The following CHCHD6 variants were observed in gnomAD, a reference collection of about 807,000 sequenced individuals.
CHCHD6 encodes the protein coiled-coil-helix-coiled-coil-helix domain containing 6.
A neutral mutation model predicts 32.3 loss-of-function variants in CHCHD6; 28 were observed. The ratio of observed to expected loss-of-function variants is 0.87; its 90% confidence interval spans 0.64 to 1.19. The LOEUF is 1.19. CHCHD6 is among the 50% of genes most tolerant of loss of function. The probability of loss-of-function intolerance (pLI) is 0.00; values close to 1 mark genes in which losing one functional copy is unlikely to be tolerated. For synonymous variants in CHCHD6, 122 were observed against 117.5 expected (o/e 1.04, Z -0.25); for missense variants, 333 against 307.0 (o/e 1.08, Z -0.63).
intron 6 of CHCHD6, among the ~76,000 whole-genome samples, chr3:126,956,413 C>T (rs2078783789): frequency 6.6e-6 from 1 of 152,226 alleles, no homozygotes; most frequent in Admixed American, 6.5e-5. Flanking sequence ...CCCGCTCCTC[C>T]ACTGTCCAGC....
chr3:126,887,925 AG>A (rs1410349095), intron 5 of CHCHD6, among the ~76,000 whole-genome samples: 1 of 152,230 alleles, frequency 6.6e-6, no homozygotes, highest in Non-Finnish European at 1.5e-5. Context: ...CACTGAGATA[AG>A]AACTCCACTT....
At chr3:126,749,143 G>T (rs1936623543) in intron 4 of CHCHD6, among the ~76,000 whole-genome samples, 2 of 152,152 alleles carry the variant, frequency 1.3e-5, no homozygotes, top group Non-Finnish European at 2.9e-5. Flanking sequence ...CAGCAAGAAG[G>T]GTGTGAACAG....
At chr3:126,788,919 G>A (rs1407648693) in intron 4 of CHCHD6, among the ~76,000 whole-genome samples, 1 of 152,122 alleles carries the variant, frequency 6.6e-6, no homozygotes, top group Non-Finnish European at 1.5e-5. Flanking sequence ...ATGTCAGGAT[G>A]TCAATTTTAG....
Position 126,708,462 on chromosome 3 carries a change from T to G in CHCHD6, c.87+4063T>G, listed in dbSNP as rs188267333. ...TATTCTGGAGGCCACGCTGCAGTTC[T>G]CTGGTCAGGAGCAGAGCTTTGGAAA... On this transcript the variant is annotated intron_variant, in intron 1 of 7. Transcript: ENST00000290913. Among the ~76,000 whole-genome samples, 305 of 152,274 alleles carry G rather than the reference T, an allele frequency of 2.0e-3. 7 individuals are homozygous for G. Among genetic ancestry groups the G allele is most frequent in the Admixed American group, 0.019 (291 of 15,294 alleles).
At chr3:126,874,477 T>C (rs553490021) in intron 5 of CHCHD6, among the ~76,000 whole-genome samples, 1 of 152,220 alleles carries the variant, frequency 6.6e-6, no homozygotes, top group African/African-American at 2.4e-5. Flanking sequence ...ATGGCACTCA[T>C]CAGGGCAGCT....
chr3:126,832,871 A>G (rs934457143), intron 4 of CHCHD6, among the ~76,000 whole-genome samples: 2 of 152,104 alleles, frequency 1.3e-5, no homozygotes, highest in African/African-American at 4.8e-5. Flanking sequence ...CAAGAGGGGA[A>G]TTTCTCCCCC....
intron 5 of CHCHD6, among the ~76,000 whole-genome samples, chr3:126,900,156 G>A (rs1012518185): frequency 3.9e-5 from 6 of 152,214 alleles, no homozygotes; most frequent in Admixed American, 1.3e-4. Context: ...TGGAAAAGAC[G>A]TTGGGAGTTT....
At chr3:126,798,164 G>GT (rs1334939748) in intron 4 of CHCHD6, among the ~76,000 whole-genome samples, 16 of 152,274 alleles carry the variant, frequency 1.1e-4, no homozygotes, top group Non-Finnish European at 2.2e-4. Flanking sequence ...GCGCAGCAGG[G>GT]TGACAAGGCA....
At chr3:126,730,722 G>C in intron 3 of CHCHD6, 92 bp downstream of exon 3, 1 of 1,054,918 alleles carries the variant, frequency 9.5e-7, no homozygotes, top group Non-Finnish European at 1.4e-6. Context: ...TGAAGCCCTG[G>C]AGGCTTTGTC....
At chr3:126,789,394 G>A (rs1294083427) in intron 4 of CHCHD6, among the ~76,000 whole-genome samples, 8 of 152,102 alleles carry the variant, frequency 5.3e-5, no homozygotes, top group Non-Finnish European at 1.0e-4. Flanking sequence ...TTTCTGTCTC[G>A]TTGATCTGTC....
At chr3:126,731,518 A>G (rs1311134160) in intron 3 of CHCHD6, among the ~76,000 whole-genome samples, 1 of 152,166 alleles carries the variant, frequency 6.6e-6, no homozygotes, top group African/African-American at 2.4e-5. Context: ...ATGTTTATAT[A>G]TATCATGCAC....
chr3:126,857,296 T>C (rs1186216131), intron 5 of CHCHD6, among the ~76,000 whole-genome samples: 1 of 152,162 alleles, frequency 6.6e-6, no homozygotes, highest in East Asian at 1.9e-4. Flanking sequence ...ACTCAGCAGC[T>C]ATGAAGTGGA....
intron 4 of CHCHD6, among the ~76,000 whole-genome samples, chr3:126,834,053 CA>C (rs55790919): frequency 0.043 from 1,902 of 44,310 alleles, 3 homozygotes; most frequent in Middle Eastern, 0.064. Context: ...GACTCCGTCT[CA>C]AAAAAAAAAA....
intron 6 of CHCHD6, among the ~76,000 whole-genome samples, chr3:126,935,550 G>A (rs898947302): frequency 4.6e-5 from 7 of 152,192 alleles, no homozygotes; most frequent in African/African-American, 1.7e-4. Flanking sequence ...AAGGCGTTCT[G>A]CACTCAGGTT....
At chr3:126,933,011 TC>T (rs1273102742) in intron 6 of CHCHD6, among the ~76,000 whole-genome samples, 1 of 151,778 alleles carries the variant, frequency 6.6e-6, no homozygotes, top group Non-Finnish European at 1.5e-5. Context: ...GAGCCTGGGG[TC>T]CGGGAGGGAG....
chr3:126,708,018 A>G (rs747840906), intron 1 of CHCHD6, among the ~76,000 whole-genome samples: 3 of 152,136 alleles, frequency 2.0e-5, no homozygotes, highest in Non-Finnish European at 4.4e-5. Context: ...CAGGCAAAAG[A>G]CTCAAAGAGC....
intron 1 of CHCHD6, among the ~76,000 whole-genome samples, chr3:126,716,458 A>T (rs1471472766): frequency 6.6e-6 from 1 of 151,994 alleles, no homozygotes; most frequent in African/African-American, 2.4e-5. Flanking sequence ...TCCACTGCTC[A>T]GTGGCTTGTC....
intron 4 of CHCHD6, among the ~76,000 whole-genome samples, chr3:126,802,178 C>G (rs1939112966): frequency 6.6e-6 from 1 of 152,188 alleles, no homozygotes; most frequent in South Asian, 2.1e-4. Flanking sequence ...CAAAGGAATG[C>G]AGTTCCTTAC....
At chr3:126,846,776 G>C (rs575433701) in intron 4 of CHCHD6, among the ~76,000 whole-genome samples, 46 of 152,150 alleles carry the variant, frequency 3.0e-4, no homozygotes, top group Middle Eastern at 3.4e-3. Context: ...AATGTGTCTG[G>C]TTCCAGTATT....
Sources: gnomAD v4.1 joint callset for allele counts (sites outside exome capture counted in the v4.1 genomes callset) on GRCh38, gnomAD v4.1.1 for gene constraint, MANE v1.5 for transcripts, NCBI Gene and HGNC (gene_info 2026-07-23, HGNC 2026-07-21) for gene names.